Variants in CDH2 observed in about 807,000 individuals in gnomAD.
CDH2 encodes the protein cadherin-2.
In CDH2, 17 loss-of-function variants were observed where a neutral mutation model predicts 92.0. The observed-to-expected ratio is 0.18, with a 90% CI of 0.13 to 0.28. The LOEUF is 0.28. Among genes scored for constraint, CDH2 ranks in the 10% least tolerant of loss-of-function variants. CDH2 has a pLI of 1.00. For synonymous variants in CDH2, 419 were observed against 415.9 expected, an observed-to-expected ratio of 1.01 and a Z score of -0.09; for missense variants, 862 against 1,133.1, an observed-to-expected ratio of 0.76 and a Z score of 3.44.
chr18:28,039,124 C>G (rs2013897394), intron 2 of CDH2, among the ~76,000 whole-genome samples: 2 of 152,168 alleles, frequency 1.3e-5, no homozygotes, highest in African/African-American at 4.8e-5. Flanking sequence ...GCCCTGCCAC[C>G]TGACTGGGTC....
chr18:28,152,473 CAG>C (rs2016139261), intron 1 of CDH2, among the ~76,000 whole-genome samples: 1 of 152,050 alleles, frequency 6.6e-6, no homozygotes, highest in Non-Finnish European at 1.5e-5. Context: ...GCTTCCCAAG[CAG>C]AGAGCTGGAG....
At chr18:27,962,094 T>C (rs2143883623) in intron 15 of CDH2, among the ~76,000 whole-genome samples, 1 of 152,338 alleles carries the variant, frequency 6.6e-6, no homozygotes, top group East Asian at 1.9e-4. Context: ...TCAGGCACTC[T>C]TACATTTTTC....
chr18:28,071,742 A>C (rs544025373), intron 2 of CDH2, among the ~76,000 whole-genome samples: 1 of 152,134 alleles, frequency 6.6e-6, no homozygotes, highest in Non-Finnish European at 1.5e-5. Context: ...TATGTCCACT[A>C]TCCATTTCCT....
At chr18:28,098,169 C>T (rs1232102893) in intron 2 of CDH2, among the ~76,000 whole-genome samples, 2 of 152,002 alleles carry the variant, frequency 1.3e-5, no homozygotes, top group African/African-American at 4.8e-5. Flanking sequence ...ATACTAATAG[C>T]ACATCTGTAT....
intron 15 of CDH2, among the ~76,000 whole-genome samples, chr18:27,956,750 C>T (rs374190655): frequency 6.6e-6 from 1 of 152,134 alleles, no homozygotes; most frequent in South Asian, 2.1e-4. Context: ...CGACAATGGG[C>T]AAAATGATTT....
chr18:28,130,774 T>C (rs2015755434), intron 2 of CDH2, among the ~76,000 whole-genome samples: 1 of 152,168 alleles, frequency 6.6e-6, no homozygotes, highest in African/African-American at 2.4e-5. Flanking sequence ...CTTTCTGAAG[T>C]GGAATTAGAC....
chr18:28,013,539 C>A, intron 3 of CDH2, 144 bp downstream of exon 3: 1 of 661,094 alleles, frequency 1.5e-6, no homozygotes, highest in South Asian at 1.9e-5. Context: ...ACAAACACAA[C>A]AAAATATTAT....
rs1432367579 is a variant in CDH2 at position 27,985,061 on chromosome 18, C to G, written c.2148G>C (p.Val716=). Residue 716 remains valine, a synonymous_variant, in exon 13 of 16, where the codon GTG becomes GTC. Transcript: ENST00000269141. ...NGDCTDVDRI[V]GAGLGTGAII... The stretch of plus-strand genomic sequence containing the variant: ...TGGCACCGGTGCCAAGCCCCGCACC[C>G]ACAATCCTGTCCACATCTGTGCAGT... The G allele has an allele frequency of 6.2e-7, 1 of 1,614,078 alleles. No individual in the cohort carries two copies. Among genetic ancestry groups the G allele is most frequent in the Non-Finnish European group, 8.5e-7 (1 of 1,180,026 alleles).
chr18:27,985,866 T>C (rs1599011256), intron 11 of CDH2, 105 bp from the exon 12 acceptor site: 2 of 683,314 alleles, frequency 2.9e-6, no homozygotes, highest in East Asian at 5.4e-5. Flanking sequence ...CTTTTAACTG[T>C]GTAACCTTGG....
chr18:28,161,121 A>G (rs1308971237), intron 1 of CDH2, among the ~76,000 whole-genome samples: 1 of 152,176 alleles, frequency 6.6e-6, no homozygotes, highest in Non-Finnish European at 1.5e-5. Flanking sequence ...TCTGCCCACT[A>G]TCAGTCCATC....
At chr18:27,997,419 G>C (rs2012617440) in intron 7 of CDH2, among the ~76,000 whole-genome samples, 1 of 152,172 alleles carries the variant, frequency 6.6e-6, no homozygotes, top group Non-Finnish European at 1.5e-5. Context: ...ACCATATAGA[G>C]CCACCAAATG....
In CDH2 at chr18:27,951,938, T is replaced by G. The variant is rs1909475663; in HGVS notation, c.*215A>C. On this transcript the variant is annotated 3_prime_UTR_variant, in exon 16 of 16. Coordinates refer to ENST00000269141, the MANE Select transcript of CDH2 (RefSeq NM_001792.5). ...ACATAAAATCCCAGTGCTTCTGTACTGTAAAATTCAAGTGTAACTGAGCTC... is the reference window on the plus strand; with the variant it reads ...ACATAAAATCCCAGTGCTTCTGTACGGTAAAATTCAAGTGTAACTGAGCTC... The G allele has an allele frequency of 1.8e-5, 10 of 569,274 alleles. No individual in the cohort carries two copies. The allele number at this position is 569,274 out of a possible 1,614,324, so 35.3% of individuals were successfully genotyped here.
intron 2 of CDH2, among the ~76,000 whole-genome samples, chr18:28,034,205 C>G (rs1219099347): frequency 6.6e-6 from 1 of 152,046 alleles, no homozygotes; most frequent in African/African-American, 2.4e-5. Flanking sequence ...GGGACTCTCA[C>G]TAGATGACTA....
At chr18:28,152,673 T>C (rs1477824491) in intron 1 of CDH2, among the ~76,000 whole-genome samples, 7 of 152,148 alleles carry the variant, frequency 4.6e-5, no homozygotes, top group East Asian at 1.9e-4. Flanking sequence ...TCACAAATGG[T>C]TGGGGGCCTG....
downstream of CDH2, among the ~76,000 whole-genome samples, chr18:27,948,790 T>C (rs1055463618): frequency 4.6e-5 from 7 of 151,982 alleles, no homozygotes; most frequent in Non-Finnish European, 1.0e-4. Context: ...CTGTTGAGGA[T>C]GAGTGTAAAT....
At chr18:27,984,574 G>A (rs781200339) in intron 13 of CDH2, among the ~76,000 whole-genome samples, 3 of 152,138 alleles carry the variant, frequency 2.0e-5, no homozygotes, top group Admixed American at 1.3e-4. Context: ...ACTGGAGCAC[G>A]TTGCTGACTG....
chr18:28,013,044 C>T (rs1444134288), intron 3 of CDH2, among the ~76,000 whole-genome samples: 2 of 152,126 alleles, frequency 1.3e-5, no homozygotes, highest in African/African-American at 4.8e-5. Flanking sequence ...CATAACGTTA[C>T]TGAAGTTACT....
chr18:28,048,061 G>A (rs2014116957), intron 2 of CDH2, among the ~76,000 whole-genome samples: 1 of 145,698 alleles, frequency 6.9e-6, no homozygotes, highest in Non-Finnish European at 1.5e-5. Context: ...GATCTTATTA[G>A]CAGGGATCTG....
At chr18:28,070,533 C>T (rs942213810) in intron 2 of CDH2, among the ~76,000 whole-genome samples, 3 of 152,108 alleles carry the variant, frequency 2.0e-5, no homozygotes, top group East Asian at 1.9e-4. Context: ...GAGAGGATGC[C>T]GACCAAACTG....
Sources: allele counts gnomAD v4.1 joint callset (sites outside exome capture counted in the v4.1 genomes callset), GRCh38; gene constraint gnomAD v4.1.1; transcripts MANE v1.5; gene names NCBI Gene and HGNC (gene_info 2026-07-23, HGNC 2026-07-21).